Variants in UGT1A4 observed in about 807,000 individuals in gnomAD.
UGT1A4 encodes UDP glucuronosyltransferase family 1 member A4.
Under a neutral mutation model 41.1 loss-of-function variants are expected in UGT1A4, and 32 were observed. That is an observed-to-expected ratio of 0.78 (90% CI 0.59 to 1.05). The LOEUF (loss-of-function observed/expected upper bound fraction) is 1.05, where lower values mean the gene tolerates loss of function less well. UGT1A4 is among the 50% of genes least tolerant of loss of function. The pLI is 0.00. For missense variants in UGT1A4, 748 were observed against 677.4 expected, an observed-to-expected ratio of 1.10 and a Z score of -1.16; for synonymous variants, 283 against 265.1, an observed-to-expected ratio of 1.07 and a Z score of -0.66.
At chr2:233,760,852 C>A (rs770420506) in intron 1 of UGT1A4, 4 of 1,614,068 alleles carry the variant, frequency 2.5e-6, no homozygotes, top group Non-Finnish European at 3.4e-6. Flanking sequence ...GTGCCCCAAC[C>A]CATTCTCCTA....
intron 1 of UGT1A4, 85 bp from the exon 2 acceptor site, chr2:233,766,949 G>A: frequency 6.2e-7 from 1 of 1,600,626 alleles, no homozygotes. Context: ...GTCTTAAGAG[G>A]AAGATATCTA....
At position 233,767,022 on chromosome 2, in the gene UGT1A4, T is replaced by G. The variant is rs1433529256; in HGVS notation, c.868-12T>G. 2.5e-6 allele frequency: 4 copies of G among 1,613,876 alleles called. No homozygotes were observed. The African/African-American group carries it at 5.3e-5, about 22-fold the overall frequency. On this transcript the variant is annotated splice_polypyrimidine_tract_variant and intron_variant, in intron 1 of 4. Coordinates refer to ENST00000373409, the MANE Select transcript of UGT1A4 (RefSeq NM_007120.3). Reference sequence around the variant, plus strand: ...AGAAAAAATTAACTGAAAATTTTTCTTCTGGCTCTAGGAATTTGAAGCCTA... The same window carrying G: ...AGAAAAAATTAACTGAAAATTTTTCGTCTGGCTCTAGGAATTTGAAGCCTA...
At chr2:233,762,448 C>T (rs2125997990) in intron 1 of UGT1A4, among the ~76,000 whole-genome samples, 1 of 152,302 alleles carries the variant, frequency 6.6e-6, no homozygotes, top group East Asian at 1.9e-4. Context: ...TCCCACTGCC[C>T]ACTTACCGAT....
In UGT1A4 at chr2:233,769,189, A is replaced by T. The variant is rs1281206912; in HGVS notation, c.1307+750A>T. Among the ~76,000 whole-genome samples, 1 of 152,188 alleles carries T rather than the reference A, an allele frequency of 6.6e-6. No homozygotes were observed. Among genetic ancestry groups the T allele is most frequent in the East Asian group, 1.9e-4 (1 of 5,202 alleles). On this transcript the variant is annotated intron_variant, in intron 4 of 4. Transcript: ENST00000373409. This position sits in a 1 kb window ranked among gnomAD's most constrained non-coding sequence, Gnocchi z 4.4. The stretch of plus-strand genomic sequence containing the variant: ...TGTCCATGGAGTTTATGAATGAAGG[A>T]GCTATAAGATATCACAGACAAAGTC...
At chr2:233,752,037 A>G (rs1331054991) in intron 1 of UGT1A4, among the ~76,000 whole-genome samples, 2 of 152,222 alleles carry the variant, frequency 1.3e-5, no homozygotes, top group Non-Finnish European at 2.9e-5. Context: ...TAGAAAGGTA[A>G]GCTGTTGTGT....
At chr2:233,746,988 A>C (rs1194642713) in intron 1 of UGT1A4, among the ~76,000 whole-genome samples, 1 of 151,882 alleles carries the variant, frequency 6.6e-6, no homozygotes, top group Non-Finnish European at 1.5e-5. Context: ...GCGCAGGGTC[A>C]GATGAGTTTT....
chr2:233,741,851 G>T (rs1691795125), intron 1 of UGT1A4: 2 of 151,836 alleles, frequency 1.3e-5, no homozygotes, highest in South Asian at 4.1e-4. Flanking sequence ...TTGCTCTCAT[G>T]CCTTATGCAA....
At chr2:233,743,990 CG>C in intron 1 of UGT1A4, 1 of 1,267,322 alleles carries the variant, frequency 7.9e-7, no homozygotes, top group Admixed American at 2.4e-5. Context: ...GGCGCAGGCC[CG>C]AGTGCTCGGA....
intron 4 of UGT1A4, among the ~76,000 whole-genome samples, chr2:233,768,946 C>T (rs1699761608): frequency 6.6e-6 from 1 of 152,058 alleles, no homozygotes. Context: ...TCTTTAGTTT[C>T]TATATAATTT....
chr2:233,750,536 C>T (rs1250970148), intron 1 of UGT1A4: 1 of 151,960 alleles, frequency 6.6e-6, no homozygotes, highest in Non-Finnish European at 1.5e-5. Flanking sequence ...AAAATGGCTT[C>T]AGTGCACATC....
chr2:233,739,341 C>T (rs1254802049), intron 1 of UGT1A4, among the ~76,000 whole-genome samples: 1 of 152,148 alleles, frequency 6.6e-6, no homozygotes, highest in Non-Finnish European at 1.5e-5. Flanking sequence ...TCCTTCAGAA[C>T]CCAGAAGGGC....
rs1320189051 is a variant in UGT1A4, at chr2:233,757,543, T to TAC, written c.868-9490_868-9489insCA. Reference sequence around the variant, plus strand: ...AAATCTTGCCTGTAAGGAATATATATATATATATATATATATATGTATATA... The same window carrying TAC: ...AAATCTTGCCTGTAAGGAATATATATACATATATATATATATATATGTATATA... On this transcript the variant is annotated intron_variant, in intron 1 of 4. Coordinates refer to ENST00000373409, the MANE Select transcript of UGT1A4 (RefSeq NM_007120.3). Among the ~76,000 whole-genome samples the TAC allele has an allele frequency of 2.8e-3, 329 of 117,124 alleles. 12 individuals carry two copies. The highest frequency in any genetic ancestry group is 3.5e-3 in the African/African-American group (97 of 28,034). 76.8% of individuals were successfully genotyped at this position (117,124 alleles called of 152,430 possible). A position where few individuals can be genotyped will look rare whatever the true frequency, so the allele number is the denominator to read the frequency against.
At chr2:233,757,062 G>T (rs1469367274) in intron 1 of UGT1A4, among the ~76,000 whole-genome samples, 1 of 151,518 alleles carries the variant, frequency 6.6e-6, no homozygotes, top group African/African-American at 2.4e-5. Flanking sequence ...GAACAGCAAG[G>T]GATCCAGAAT....
At chr2:233,731,645 T>A (rs910994370) in intron 1 of UGT1A4, among the ~76,000 whole-genome samples, 2 of 152,242 alleles carry the variant, frequency 1.3e-5, no homozygotes, top group Non-Finnish European at 2.9e-5. Context: ...TAGTATTCCA[T>A]GGTGTATATG....
chr2:233,762,875 C>T (rs1698183827), intron 1 of UGT1A4, among the ~76,000 whole-genome samples: 1 of 152,150 alleles, frequency 6.6e-6, no homozygotes, highest in African/African-American at 2.4e-5. Flanking sequence ...TTGGTTTCTT[C>T]TCTTATAAAT....
intron 1 of UGT1A4, among the ~76,000 whole-genome samples, chr2:233,727,024 C>T (rs1363887346): frequency 2.6e-5 from 4 of 152,054 alleles, no homozygotes; most frequent in African/African-American, 7.2e-5. Flanking sequence ...TGTTTTTGTA[C>T]CCTAAGGAAT....
At chr2:233,719,798 T>C (rs2125672120) in intron 1 of UGT1A4, 111 bp downstream of exon 1, 1 of 1,604,450 alleles carries the variant, frequency 6.2e-7, no homozygotes, top group Non-Finnish European at 8.5e-7. Flanking sequence ...GATTTTATTT[T>C]GGCTTCTTTA....
chr2:233,763,859 A>G (rs1418944768), intron 1 of UGT1A4, among the ~76,000 whole-genome samples: 1 of 152,176 alleles, frequency 6.6e-6, no homozygotes, highest in Non-Finnish European at 1.5e-5. Context: ...GTTCACAGAC[A>G]ATCGCAATGC....
intron 1 of UGT1A4, 44 bp from the exon 2 acceptor site, chr2:233,766,990 G>T: frequency 1.2e-6 from 2 of 1,613,182 alleles, no homozygotes; most frequent in Non-Finnish European, 8.5e-7. Context: ...AGTCATCAAA[G>T]AATATGAGAA....
Sources: gnomAD v4.1 joint callset for allele counts (sites outside exome capture counted in the v4.1 genomes callset) on GRCh38, gnomAD v4.1.1 for gene constraint, Gnocchi (gnomAD v3.1) non-coding constraint, MANE v1.5 for transcripts, NCBI Gene and HGNC (gene_info 2026-07-23, HGNC 2026-07-21) for gene names.